PCDHGA9: variants seen among roughly 807,000 people sequenced by gnomAD.
PCDHGA9 encodes protocadherin gamma subfamily A, 9.
A neutral mutation model predicts 62.5 loss-of-function variants in PCDHGA9; 37 were observed. That is an observed-to-expected ratio of 0.59 (90% CI 0.46 to 0.78). PCDHGA9 has a LOEUF of 0.78. PCDHGA9 is among the 30% of genes least tolerant of loss of function. The pLI is 0.00. For missense variants in PCDHGA9, 1,138 were observed against 1,166.2 expected (o/e 0.98, Z 0.35); for synonymous variants, 459 against 484.6 (o/e 0.95, Z 0.69).
In PCDHGA9 at chr5:141,404,382, A is replaced by T; in HGVS notation, c.1430A>T (p.Tyr477Phe). ...RGTSIFSVIA[Y>F]DPDSNENSRV... Reference sequence around the variant, plus strand: ...ACTTCCATCTTCTCCGTGATTGCCTATGACCCTGATAGCAATGAGAATTCT... The same window carrying T: ...ACTTCCATCTTCTCCGTGATTGCCTTTGACCCTGATAGCAATGAGAATTCT... Residue 477 changes from tyrosine to phenylalanine, a missense_variant, in exon 1 of 4, where the codon TAT becomes TTT. Tyr to Phe is a conservative substitution (Grantham distance 22). Coordinates refer to ENST00000573521, the MANE Select transcript of PCDHGA9 (RefSeq NM_018921.3). 2 of 1,613,978 alleles carry T rather than the reference A, an allele frequency of 1.2e-6. No homozygotes were observed. Among genetic ancestry groups the T allele is most frequent in the Non-Finnish European group, 1.7e-6 (2 of 1,179,892 alleles).
rs1561857042 is a variant in PCDHGA9, at chr5:141,432,038, C to CG, written c.2424+26666dup. 3 of 1,614,190 alleles carry CG rather than the reference C, an allele frequency of 1.9e-6. No individual in the cohort carries two copies. The highest frequency in any genetic ancestry group is 2.5e-6 in the Non-Finnish European group (3 of 1,180,032). Reference sequence around the variant, plus strand: ...CAACATCACAGTGACCGCCACTGACCGGGGAACCCCGCCCCTATCCACGGA... The same window carrying CG: ...CAACATCACAGTGACCGCCACTGACCGGGGGAACCCCGCCCCTATCCACGGA... On this transcript the variant is annotated intron_variant, in intron 1 of 3. Transcript: ENST00000573521. The surrounding 1 kb of genome is among the most constrained non-coding windows in gnomAD (Gnocchi z 6.0).
At chr5:141,453,492 G>A (rs1046043468) in intron 1 of PCDHGA9, among the ~76,000 whole-genome samples, 7 of 152,000 alleles carry the variant, frequency 4.6e-5, no homozygotes, top group African/African-American at 7.3e-5. Context: ...AAAAAAAGGT[G>A]TACTCAGAAA....
chr5:141,430,951 C>A, intron 1 of PCDHGA9: 3 of 1,610,496 alleles, frequency 1.9e-6, no homozygotes, highest in Non-Finnish European at 2.5e-6. Flanking sequence ...AGCGCGGAGT[C>A]CGCATCATCC....
intron 1 of PCDHGA9, chr5:141,426,432 C>A (rs1239073805): frequency 1.0e-5 from 3 of 295,812 alleles, no homozygotes; most frequent in South Asian, 3.3e-5. Flanking sequence ...TGGTGGGGAA[C>A]CTTGCGGAGG....
At chr5:141,435,103 G>A (rs1468698388) in intron 1 of PCDHGA9, among the ~76,000 whole-genome samples, 2 of 151,914 alleles carry the variant, frequency 1.3e-5, no homozygotes, top group African/African-American at 2.4e-5. Flanking sequence ...TTTATCTAGG[G>A]GGGAGAAATC....
At chr5:141,440,696 A>G (rs2098194818) in intron 1 of PCDHGA9, 1 of 152,210 alleles carries the variant, frequency 6.6e-6, no homozygotes, top group Non-Finnish European at 1.5e-5. Flanking sequence ...AAAGTGACCA[A>G]CAGTGGAAAG....
intron 1 of PCDHGA9, among the ~76,000 whole-genome samples, chr5:141,436,150 T>A (rs1270913305): frequency 6.6e-6 from 1 of 152,182 alleles, no homozygotes; most frequent in African/African-American, 2.4e-5. Flanking sequence ...ACTACCAAAA[T>A]GTTTATCATA....
At chr5:141,418,072 G>A in intron 1 of PCDHGA9, 1 of 1,614,058 alleles carries the variant, frequency 6.2e-7, no homozygotes, top group Non-Finnish European at 8.5e-7. Context: ...TGAGCGCGGA[G>A]AAGCTGCACT....
intron 1 of PCDHGA9, chr5:141,475,890 G>C: frequency 1.8e-6 from 1 of 565,896 alleles, no homozygotes; most frequent in South Asian, 2.3e-5. Flanking sequence ...CTGGGACTCT[G>C]TGTGCCGCTG....
chr5:141,431,876 GA>G lies in PCDHGA9; in HGVS notation c.2424+26501del. 6.2e-7 allele frequency: 1 copy of G among 1,614,188 alleles called. No individual in the cohort carries two copies. Among genetic ancestry groups the G allele is most frequent in the Non-Finnish European group, 8.5e-7 (1 of 1,180,008 alleles). On this transcript the variant is annotated intron_variant, in intron 1 of 3. Transcript: ENST00000573521. The surrounding 1 kb of genome is among the most constrained non-coding windows in gnomAD (Gnocchi z 4.8). ...ATTAATTGCCCTTTTAAATGTAAATGACCAAGATTCTGAGGAAAACGGACAG... is the reference window on the plus strand; with the variant it reads ...ATTAATTGCCCTTTTAAATGTAAATGCCAAGATTCTGAGGAAAACGGACAG...
intron 2 of PCDHGA9, among the ~76,000 whole-genome samples, chr5:141,502,139 C>T (rs923501238): frequency 6.6e-6 from 1 of 152,104 alleles, no homozygotes; most frequent in African/African-American, 2.4e-5. Flanking sequence ...TCAGTCGGGC[C>T]GGAAGTAAGG....
chr5:141,428,238 G>A lies in PCDHGA9; in HGVS notation c.2424+22862G>A, dbSNP rs775703660. On this transcript the variant is annotated intron_variant, in intron 1 of 3. Transcript: ENST00000573521. ...TAGTCTTCGCAGACAGCCTGCAGGA[G>A]GCACTGCCAGACTTCAGTGACAGTC... 1.0e-5 allele frequency: 10 copies of A among 998,180 alleles called. No individual in the cohort carries two copies. The South Asian group carries it at 1.3e-4, about 13-fold the overall frequency. The allele number at this position is 998,180 out of a possible 1,614,324, so 61.8% of individuals were successfully genotyped here. A position where few individuals can be genotyped will look rare whatever the true frequency, so the allele number is the denominator to read the frequency against.
rs1441791773 is a variant in PCDHGA9, at chr5:141,486,038, G to A, written c.2425-8769G>A. The A allele has an allele frequency of 1.9e-6, 3 of 1,614,066 alleles. No individual in the cohort carries two copies. The highest frequency in any genetic ancestry group is 1.1e-5 in the South Asian group (1 of 91,088). On this transcript the variant is annotated intron_variant, in intron 1 of 3. Coordinates refer to ENST00000573521, the MANE Select transcript of PCDHGA9 (RefSeq NM_018921.3). The surrounding 1 kb of genome is among the most constrained non-coding windows in gnomAD (Gnocchi z 5.0). ...TTTCAGTGGTCATACCCCTGATCGT[G>A]TAAGAAACCTCTTTAGCCTGCACCC...
chr5:141,477,857 C>T lies in PCDHGA9; in HGVS notation c.2425-16950C>T. ...AGGTGGGAGCTCGGTGGAGATGCTG[C>T]CTCGAGGTACCTCAGCTGGCCACCT... On this transcript the variant is annotated intron_variant, in intron 1 of 3. Transcript: ENST00000573521. The surrounding 1 kb of genome is among the most constrained non-coding windows in gnomAD (Gnocchi z 4.9). The T allele has an allele frequency of 6.2e-7, 1 of 1,613,574 alleles. No individual in the cohort carries two copies. The highest frequency in any genetic ancestry group is 8.5e-7 in the Non-Finnish European group (1 of 1,179,836).
At chr5:141,423,501 C>T (rs2096747990) in intron 1 of PCDHGA9, 1 of 1,613,990 alleles carries the variant, frequency 6.2e-7, no homozygotes, top group Non-Finnish European at 8.5e-7. Context: ...CCCACGAGGT[C>T]TCTCTCATTG....
chr5:141,481,427 T>C lies in PCDHGA9; in HGVS notation c.2425-13380T>C, dbSNP rs79272909. Reference sequence around the variant, plus strand: ...TTGTATAATTAGATTGTGATGATGATTGTATCAGTTTAGTACATGTAAATA... The same window carrying C: ...TTGTATAATTAGATTGTGATGATGACTGTATCAGTTTAGTACATGTAAATA... On this transcript the variant is annotated intron_variant, in intron 1 of 3. Transcript: ENST00000573521. Among the ~76,000 whole-genome samples the C allele has an allele frequency of 6.0e-3, 907 of 152,334 alleles. 5 individuals are homozygous for C. Among genetic ancestry groups the C allele is most frequent in the African/African-American group, 0.02 (840 of 41,578 alleles).
chr5:141,419,746 G>A (rs1561783927), intron 1 of PCDHGA9: 2 of 1,613,896 alleles, frequency 1.2e-6, no homozygotes, highest in Admixed American at 1.7e-5. Context: ...TGCGCATGGT[G>A]CGTGCTTTGG....
intron 1 of PCDHGA9, among the ~76,000 whole-genome samples, chr5:141,484,535 A>G (rs2099597486): frequency 6.6e-6 from 1 of 152,178 alleles, no homozygotes. Flanking sequence ...AGTATATGGC[A>G]GTGGTTCTAA....
intron 1 of PCDHGA9, among the ~76,000 whole-genome samples, chr5:141,462,331 T>C (rs909948238): frequency 6.6e-6 from 1 of 152,244 alleles, no homozygotes; most frequent in African/African-American, 2.4e-5. Context: ...TCTAATTTAA[T>C]TGTATTGTGA....
Sources: gnomAD v4.1 joint callset for allele counts (sites outside exome capture counted in the v4.1 genomes callset) on GRCh38, gnomAD v4.1.1 for gene constraint, Gnocchi (gnomAD v3.1) non-coding constraint, MANE v1.5 for transcripts, NCBI Gene and HGNC (gene_info 2026-07-23, HGNC 2026-07-21) for gene names.